ADARB2: variants seen among roughly 807,000 people sequenced by gnomAD.
ADARB2 encodes the protein adenosine deaminase RNA specific B2 (inactive), also known as inactive double-stranded RNA-specific editase B2.
A neutral mutation model predicts 62.2 loss-of-function variants in ADARB2; 25 were observed. The ratio of observed to expected loss-of-function variants is 0.40; its 90% CI spans 0.29 to 0.56. The LOEUF is 0.56. ADARB2 is among the 20% of genes least tolerant of loss of function. ADARB2 has a pLI of 0.43. For missense variants in ADARB2, 1,071 were observed against 1,077.4 expected (o/e 0.99, Z 0.08); for synonymous variants, 572 against 500.8 (o/e 1.14, Z -1.90).
At chr10:1,273,241 A>G (rs572750739) in intron 3 of ADARB2, among the ~76,000 whole-genome samples, 1 of 152,312 alleles carries the variant, frequency 6.6e-6, no homozygotes, top group African/African-American at 2.4e-5. Flanking sequence ...GCATGCTGTC[A>G]AGGGAGAGCG....
chr10:1,261,868 A>G (rs1831140716), intron 4 of ADARB2, among the ~76,000 whole-genome samples: 4 of 149,708 alleles, frequency 2.7e-5, no homozygotes, highest in Admixed American at 1.3e-4. Flanking sequence ...CATTATTCAC[A>G]ATAGCAAAGA....
intron 1 of ADARB2, among the ~76,000 whole-genome samples, chr10:1,610,139 G>C (rs965566910): frequency 2.0e-5 from 3 of 152,084 alleles, no homozygotes; most frequent in African/African-American, 7.2e-5. Flanking sequence ...ATTGCACAGT[G>C]ATAAATGCTC....
intron 2 of ADARB2, among the ~76,000 whole-genome samples, chr10:1,373,311 GACAC>G (rs748027216): frequency 3.3e-5 from 5 of 150,446 alleles, no homozygotes; most frequent in Non-Finnish European, 7.4e-5. Context: ...TTCTGTCTCT[GACAC>G]ACACACACAC....
rs1458022603 is a variant in ADARB2, at chr10:1,510,129, T to TTTC, written c.101-130972_101-130970dup. On this transcript the variant is annotated intron_variant, in intron 1 of 9. Transcript: ENST00000381312. ...CTTTCTCTCTTTCTTTCTTTCTTTC[T>TTTC]TTCTTTCTTTCTTTCTTTCTTTCTT... Among the ~76,000 whole-genome samples the TTTC allele has an allele frequency of 1.7e-3, 232 of 135,612 alleles. 3 individuals are homozygous for TTTC. Among genetic ancestry groups the TTTC allele is most frequent in the African/African-American group, 6.6e-3 (220 of 33,378 alleles). The allele number at this position is 135,612 out of a possible 152,430, so 89.0% of individuals were successfully genotyped here. A position where few individuals can be genotyped will look rare whatever the true frequency, so the allele number is the denominator to read the frequency against.
At chr10:1,336,329 C>G (rs1053279097) in intron 3 of ADARB2, among the ~76,000 whole-genome samples, 5 of 152,196 alleles carry the variant, frequency 3.3e-5, no homozygotes, top group Non-Finnish European at 5.9e-5. Flanking sequence ...TTCACTGTTT[C>G]TTAATAAATG....
chr10:1,329,197 G>T (rs1831905323), intron 3 of ADARB2, among the ~76,000 whole-genome samples: 1 of 152,148 alleles, frequency 6.6e-6, no homozygotes, highest in Non-Finnish European at 1.5e-5. Context: ...GAGCATCTCG[G>T]CAGCTGTCTG....
chr10:1,327,846 GCC>G (rs2131831953), intron 3 of ADARB2, among the ~76,000 whole-genome samples: 1 of 49,378 alleles, frequency 2.0e-5, no homozygotes, highest in African/African-American at 9.5e-5. Flanking sequence ...ACAGCTCAGT[GCC>G]TCCTCACAGC....
At chr10:1,386,334 T>C (rs1336402605) in intron 1 of ADARB2, among the ~76,000 whole-genome samples, 2 of 152,064 alleles carry the variant, frequency 1.3e-5, no homozygotes, top group Non-Finnish European at 2.9e-5. Context: ...TTACATTAAA[T>C]GTAAATGGAC....
At chr10:1,246,156 A>G (rs1589164470) in intron 4 of ADARB2, among the ~76,000 whole-genome samples, 1 of 151,946 alleles carries the variant, frequency 6.6e-6, no homozygotes, top group South Asian at 2.1e-4. Flanking sequence ...GTGTCTGTTC[A>G]TATCCTTCAC....
chr10:1,422,057 G>T (rs1302995081), intron 1 of ADARB2, among the ~76,000 whole-genome samples: 1 of 152,138 alleles, frequency 6.6e-6, no homozygotes, highest in East Asian at 1.9e-4. Flanking sequence ...CCCACCAAAA[G>T]GCCCAACAAT....
At chr10:1,346,151 G>A (rs1049387872) in intron 3 of ADARB2, among the ~76,000 whole-genome samples, 1 of 152,188 alleles carries the variant, frequency 6.6e-6, no homozygotes, top group African/African-American at 2.4e-5. Flanking sequence ...ATTCCACCGT[G>A]TGCATTAATT....
At chr10:1,464,397 A>G in intron 1 of ADARB2, among the ~76,000 whole-genome samples, 1 of 140,184 alleles carries the variant, frequency 7.1e-6, no homozygotes, top group Middle Eastern at 4.2e-3. Context: ...GAGGGTGGAC[A>G]CACACTCCCC....
intron 1 of ADARB2, among the ~76,000 whole-genome samples, chr10:1,656,642 G>A (rs913739603): frequency 6.6e-6 from 1 of 152,126 alleles, no homozygotes; most frequent in Non-Finnish European, 1.5e-5. Flanking sequence ...TCATATTGGG[G>A]TGTTGGCTAT....
At chr10:1,321,535 T>A (rs1444884986) in intron 3 of ADARB2, among the ~76,000 whole-genome samples, 2 of 152,076 alleles carry the variant, frequency 1.3e-5, no homozygotes, top group African/African-American at 4.8e-5. Flanking sequence ...TGCTCATCAC[T>A]GCGCCCTGCT....
intron 1 of ADARB2, among the ~76,000 whole-genome samples, chr10:1,651,479 G>A (rs1033557532): frequency 6.6e-5 from 10 of 152,228 alleles, no homozygotes; most frequent in Admixed American, 5.9e-4. Flanking sequence ...CCAGGGCCAA[G>A]TTCTCCACCA....
intron 1 of ADARB2, among the ~76,000 whole-genome samples, chr10:1,519,838 A>G (rs1427644152): frequency 6.6e-6 from 1 of 152,048 alleles, no homozygotes; most frequent in Non-Finnish European, 1.5e-5. Flanking sequence ...TTTGCCCTGC[A>G]TGGATCTTGT....
intron 1 of ADARB2, among the ~76,000 whole-genome samples, chr10:1,678,605 T>C (rs1405800183): frequency 3.9e-5 from 6 of 152,024 alleles, no homozygotes; most frequent in African/African-American, 9.7e-5. Context: ...TGGGGGTGCT[T>C]TACCCTCCCT....
chr10:1,610,443 T>C (rs1424283809), intron 1 of ADARB2, among the ~76,000 whole-genome samples: 1 of 152,166 alleles, frequency 6.6e-6, no homozygotes, highest in African/African-American at 2.4e-5. Context: ...AAGGGATAAT[T>C]TTCAGTAACT....
At chr10:1,512,109 T>C in intron 1 of ADARB2, among the ~76,000 whole-genome samples, 1 of 149,874 alleles carries the variant, frequency 6.7e-6, no homozygotes, top group South Asian at 2.1e-4. Flanking sequence ...GACACCAAGA[T>C]GTCAATGCTG....
Sources: gnomAD v4.1 joint callset for allele counts (sites outside exome capture counted in the v4.1 genomes callset) on GRCh38, gnomAD v4.1.1 for gene constraint, MANE v1.5 for transcripts, NCBI Gene and HGNC (gene_info 2026-07-23, HGNC 2026-07-21) for gene names.